The following UBA3 variants were observed in gnomAD, a reference collection of about 807,000 sequenced individuals.
The protein encoded by UBA3 is NEDD8-activating enzyme E1 catalytic subunit.
UBA3 carries 26 observed loss-of-function variants against 73.5 expected under a neutral mutation model. That is an observed-to-expected ratio of 0.35 (90% confidence interval 0.26 to 0.49). UBA3 has a LOEUF of 0.49. Among genes scored for constraint, UBA3 ranks in the 20% least tolerant of loss-of-function variants. UBA3 has a pLI of 0.98. For missense variants in UBA3, 495 were observed against 555.6 expected (o/e 0.89, Z 1.10); for synonymous variants, 217 against 191.2 (o/e 1.13, Z -1.11).
rs555198752 is a variant in UBA3 at position 69,062,005 on chromosome 3, A to G, written c.796+72T>C. 7.2e-4 allele frequency: 1,037 copies of G among 1,437,888 alleles called. 2 individuals are homozygous for G. The highest frequency in any genetic ancestry group is 1.9e-3 in the South Asian group (154 of 80,416). 89.1% of individuals were successfully genotyped at this position (1,437,888 alleles called of 1,614,324 possible). On this transcript the variant is annotated intron_variant, in intron 10 of 17. Coordinates refer to ENST00000361055, the MANE Select transcript of UBA3 (RefSeq NM_003968.4). ...ATCACAAAACAATGTTTTTAATGAA[A>G]TTATCCAAAGGAATAATATAGAAAA...
At chr3:69,066,994 A>G (rs956246382) in intron 6 of UBA3, among the ~76,000 whole-genome samples, 3 of 152,190 alleles carry the variant, frequency 2.0e-5, no homozygotes, top group Non-Finnish European at 2.9e-5. Context: ...TACTATAGCT[A>G]TATAAGTCTA....
In UBA3 at chr3:69,063,039, C is replaced by T; in HGVS notation, c.636G>A (p.Val212=). The T allele has an allele frequency of 1.9e-6, 3 of 1,614,116 alleles. No homozygotes were observed. Among genetic ancestry groups the T allele is most frequent in the Non-Finnish European group, 2.5e-6 (3 of 1,180,000 alleles). ...TACAAGCAGTCATTCCAGGCAGAATCACCCGGGCATTTCCTTTAAAACCTT... is the reference window on the plus strand; with the variant it reads ...TACAAGCAGTCATTCCAGGCAGAATTACCCGGGCATTTCCTTTAAAACCTT... ...GTEGFKGNAR[V]ILPGMTACIE... is the part of the protein sequence containing the mutation. Residue 212 remains valine, a synonymous_variant, in exon 9 of 18, where the codon GTG becomes GTA. Transcript: ENST00000361055.
chr3:69,065,479 G>A (rs935819909), intron 6 of UBA3, among the ~76,000 whole-genome samples: 1 of 152,074 alleles, frequency 6.6e-6, no homozygotes, highest in East Asian at 1.9e-4. Flanking sequence ...CACCACCCCA[G>A]GCAACACACA....
intron 5 of UBA3, among the ~76,000 whole-genome samples, chr3:69,069,481 T>A (rs1336996174): frequency 6.6e-6 from 1 of 152,046 alleles, no homozygotes; most frequent in East Asian, 1.9e-4. Context: ...CATGAGTCAC[T>A]ACGCCTGGCT....
In UBA3 at chr3:69,061,661, C is replaced by T. The variant is rs1208580786; in HGVS notation, c.910+153G>A. ...TAAGATTCAATAATTTTATTAAATT[C>T]CCCCTAGCTAATAAGTAGTATGAAT... On this transcript the variant is annotated intron_variant, in intron 11 of 17. Transcript: ENST00000361055. The T allele has an allele frequency of 8.0e-6, 4 of 498,568 alleles. No homozygotes were observed. The Admixed American group carries it at 1.1e-4, about 14-fold the overall frequency. 30.9% of individuals were successfully genotyped at this position (498,568 alleles called of 1,614,324 possible).
intron 14 of UBA3, 50 bp from the exon 15 acceptor site, chr3:69,056,333 G>T (rs767544795): frequency 6.0e-5 from 81 of 1,347,318 alleles, no homozygotes; most frequent in Non-Finnish European, 4.6e-5. Context: ...ACCAATATTA[G>T]TCTCTTTTAT....
At chr3:69,067,859 A>G in intron 6 of UBA3, 69 bp downstream of exon 6, 1 of 1,216,014 alleles carries the variant, frequency 8.2e-7, no homozygotes, top group Middle Eastern at 2.0e-4. Context: ...ATTCTCTGTT[A>G]AATATCTCTT....
At chr3:69,075,727 TTTC>T (rs1294992320) in intron 3 of UBA3, among the ~76,000 whole-genome samples, 4 of 142,526 alleles carry the variant, frequency 2.8e-5, no homozygotes, top group African/African-American at 5.3e-5. Context: ...AATGTTAATT[TTTC>T]TTTTTTTTTT....
At chr3:69,079,175 G>A (rs1038253345) in intron 2 of UBA3, among the ~76,000 whole-genome samples, 9 of 152,144 alleles carry the variant, frequency 5.9e-5, no homozygotes, top group Admixed American at 4.6e-4. Flanking sequence ...TCTGCAGGCC[G>A]TTCATAGCTA....
chr3:69,063,767 C>T (rs1575835425), intron 7 of UBA3, among the ~76,000 whole-genome samples: 1 of 151,954 alleles, frequency 6.6e-6, no homozygotes, highest in African/African-American at 2.4e-5. Context: ...AAACAATTTG[C>T]ACGTTCTAAG....
At chr3:69,056,456 G>A (rs1424068573) in intron 14 of UBA3, 156 bp downstream of exon 14, 12 of 853,468 alleles carry the variant, frequency 1.4e-5, no homozygotes, top group Admixed American at 6.4e-5. Flanking sequence ...AAATTACTTC[G>A]CTATAGAGTT....
chr3:69,080,125 G>A lies in UBA3; in HGVS notation c.49C>T (p.Leu17=). Residue 17 remains leucine (L), a synonymous_variant, in exon 2 of 18, where the codon CTG becomes TTG. Transcript: ENST00000361055. ...GGCAGCACTAACTTCTCAGCCAGCA[G>A]CTCCTCTATTCTCCTTCTTTTCTTC... ...PEKKRRRIEE[L]LAEKMAVDGG... is the part of the protein sequence containing the mutation. 1 of 1,609,294 alleles carries A rather than the reference G, an allele frequency of 6.2e-7. No individual in the cohort carries two copies. Among genetic ancestry groups the A allele is most frequent in the Non-Finnish European group, 8.5e-7 (1 of 1,178,816 alleles).
At chr3:69,073,302 C>T (rs1319801955) in intron 4 of UBA3, among the ~76,000 whole-genome samples, 4 of 152,212 alleles carry the variant, frequency 2.6e-5, no homozygotes, top group Non-Finnish European at 4.4e-5. Flanking sequence ...TCTGCTCTAG[C>T]GATGATAGCC....
intron 11 of UBA3, among the ~76,000 whole-genome samples, chr3:69,057,980 C>CAGTGT (rs1177715176): frequency 5.4e-5 from 7 of 130,034 alleles, no homozygotes; most frequent in Admixed American, 9.5e-5. Context: ...GGCTGGAGTG[C>CAGTGT]AGTGTCGTGA....
At chr3:69,077,052 G>C (rs568425497) in intron 3 of UBA3, among the ~76,000 whole-genome samples, 7 of 149,234 alleles carry the variant, frequency 4.7e-5, no homozygotes, top group African/African-American at 1.7e-4. Context: ...AGAAGCACAA[G>C]AAAATATGGT....
chr3:69,076,127 G>A (rs1383985471), intron 3 of UBA3, among the ~76,000 whole-genome samples: 1 of 151,966 alleles, frequency 6.6e-6, no homozygotes, highest in Non-Finnish European at 1.5e-5. Context: ...TTTTGCAAAG[G>A]GATAGAGAAC....
chr3:69,072,944 C>A (rs1167047346), intron 4 of UBA3, among the ~76,000 whole-genome samples: 2 of 152,182 alleles, frequency 1.3e-5, no homozygotes, highest in Non-Finnish European at 2.9e-5. Context: ...ATTCCATCTT[C>A]AAAATATATC....
intron 6 of UBA3, among the ~76,000 whole-genome samples, chr3:69,067,301 C>T (rs1250932959): frequency 2.0e-5 from 3 of 152,058 alleles, no homozygotes; most frequent in Non-Finnish European, 4.4e-5. Context: ...TAGTTTACAT[C>T]TAAGTATTTA....
chr3:69,062,896 A>G (rs1575834182), intron 9 of UBA3, 86 bp downstream of exon 9: 1 of 1,488,744 alleles, frequency 6.7e-7, no homozygotes, highest in East Asian at 2.3e-5. Flanking sequence ...CTAATTAACA[A>G]TCCTAAATAT....
Sources: allele counts gnomAD v4.1 joint callset (sites outside exome capture counted in the v4.1 genomes callset), GRCh38; gene constraint gnomAD v4.1.1; transcripts MANE v1.5; gene names NCBI Gene and HGNC (gene_info 2026-07-23, HGNC 2026-07-21).